Variants in TDO2 observed in about 807,000 individuals in gnomAD.
The protein encoded by TDO2 is tryptophan 2,3-dioxygenase.
A neutral mutation model predicts 61.2 loss-of-function variants in TDO2; 63 were observed. The observed-to-expected ratio is 1.03, with a 90% confidence interval of 0.84 to 1.27. The LOEUF is 1.27. Among genes scored for constraint, TDO2 ranks in the 50% most tolerant of loss-of-function variants. The probability of loss-of-function intolerance (pLI) is 0.00; values close to 1 mark genes in which losing one functional copy is unlikely to be tolerated. For missense variants in TDO2, 494 were observed against 469.5 expected, an observed-to-expected ratio of 1.05 and a Z score of -0.48; for synonymous variants, 183 against 164.0, an observed-to-expected ratio of 1.12 and a Z score of -0.89.
Position 155,917,412 on chromosome 4 carries a change from A to G in TDO2, c.914A>G (p.Gln305Arg). ...TCCTTTAGGGAAGAGCCTAGGTTCCAGGTGCCTTTTCAGTTGCTGACTTCT... is the reference window on the plus strand; with the variant it reads ...TCCTTTAGGGAAGAGCCTAGGTTCCGGGTGCCTTTTCAGTTGCTGACTTCT... ...IYFYREEPRFQVPFQLLTSLM... is the reference protein window; with the variant it reads ...IYFYREEPRFRVPFQLLTSLM... Residue 305 changes from glutamine to arginine, a missense_variant, in exon 10 of 12, where the codon CAG becomes CGG. Coordinates refer to ENST00000536354, the MANE Select transcript of TDO2 (RefSeq NM_005651.4). 6.2e-7 allele frequency: 1 copy of G among 1,610,898 alleles called. No homozygotes were observed. Among genetic ancestry groups the G allele is most frequent in the Non-Finnish European group, 8.5e-7 (1 of 1,178,852 alleles).
At chr4:155,917,503 C>T (rs1334608039) in intron 10 of TDO2, 29 bp downstream of exon 10, 3 of 1,565,034 alleles carry the variant, frequency 1.9e-6, no homozygotes, top group South Asian at 2.3e-5. Context: ...CCCCATGTTG[C>T]TTCCCCACAT....
chr4:155,912,447 T>C (rs996836905), intron 7 of TDO2, among the ~76,000 whole-genome samples: 1 of 152,158 alleles, frequency 6.6e-6, no homozygotes, highest in South Asian at 2.1e-4. Context: ...TGGCCATTTT[T>C]AATCTTAACT....
In TDO2 at chr4:155,904,079, A is replaced by T. The variant is rs1560774177; in HGVS notation, c.97A>T (p.Asn33Tyr). Residue 33 changes from asparagine to tyrosine, a missense_variant, in exon 2 of 12, where the codon AAT becomes TAT. Asn to Tyr is a moderately radical substitution (Grantham distance 143). Transcript: ENST00000536354. The stretch of plus-strand genomic sequence containing the variant: ...AGAAGACAAATCACAAACTGGTGTG[A>T]ATAGAGCCAGCAAAGGAGGTCTTAT... ...SEEDKSQTGV[N>Y]RASKGGLIYG... 6.2e-7 allele frequency: 1 copy of T among 1,614,120 alleles called. No homozygotes were observed. Among genetic ancestry groups the T allele is most frequent in the African/African-American group, 1.3e-5 (1 of 75,044 alleles).
chr4:155,919,327 T>C (rs770703307), intron 11 of TDO2, among the ~76,000 whole-genome samples: 1 of 152,220 alleles, frequency 6.6e-6, no homozygotes, highest in African/African-American at 2.4e-5. Context: ...ACAGTTAAAA[T>C]TGTTGACTAA....
intron 2 of TDO2, among the ~76,000 whole-genome samples, 157 bp from the exon 3 acceptor site, chr4:155,904,910 A>G (rs758811888): frequency 6.6e-6 from 1 of 152,176 alleles, no homozygotes; most frequent in Non-Finnish European, 1.5e-5. Flanking sequence ...TTCACTCTTT[A>G]TGATGAGATT....
At chr4:155,919,776 T>A in intron 11 of TDO2, 61 bp from the exon 12 acceptor site, 4 of 1,432,670 alleles carry the variant, frequency 2.8e-6, no homozygotes, top group Non-Finnish European at 3.8e-6. Flanking sequence ...AATTTTCTAA[T>A]TGAAAAATTT....
chr4:155,905,052 A>T lies in TDO2; in HGVS notation c.142-15A>T. On this transcript the variant is annotated splice_polypyrimidine_tract_variant and intron_variant, in intron 2 of 11. Transcript: ENST00000536354. ...TTCTGCAATTTCAGACAGGCTTTTT[A>T]TTTTTCATTTCAAGTTGGAAAAAGT... The T allele has an allele frequency of 6.4e-7, 1 of 1,563,648 alleles. No individual in the cohort carries two copies. Among genetic ancestry groups the T allele is most frequent in the African/African-American group, 1.4e-5 (1 of 72,432 alleles).
intron 6 of TDO2, 82 bp from the exon 7 acceptor site, chr4:155,911,415 G>T: frequency 3.2e-6 from 3 of 936,510 alleles, no homozygotes; most frequent in Non-Finnish European, 4.7e-6. Context: ...AAGATTTCTT[G>T]TTTTAAGTTT....
chr4:155,912,400 C>A (rs751087021), intron 7 of TDO2, among the ~76,000 whole-genome samples: 2 of 152,108 alleles, frequency 1.3e-5, no homozygotes, highest in Non-Finnish European at 2.9e-5. Context: ...CTTCCTGTAC[C>A]ATCATTCTCA....
Position 155,914,332 on chromosome 4 carries a change from G to C in TDO2, c.736G>C (p.Glu246Gln). The change falls in exon 8 of 12, where the codon GAG (glutamate) becomes CAG (glutamine). Residue 246 changes from glutamate (E) to glutamine (Q), a missense_variant. Transcript: ENST00000536354. Reference protein sequence around the residue: ...EEFIRIQAKEESEEKEEQVAE... With the variant: ...EEFIRIQAKEQSEEKEEQVAE... ...CATATTTTTCCTAAAGGCTAAAGAA[G>C]AGTCTGAAGAAAAAGAGGAACAGGT... 1 of 1,605,950 alleles carries C rather than the reference G, an allele frequency of 6.2e-7. No individual in the cohort carries two copies. Among genetic ancestry groups the C allele is most frequent in the Non-Finnish European group, 8.5e-7 (1 of 1,177,810 alleles).
chr4:155,918,276 T>C (rs375837495), intron 11 of TDO2, 37 bp downstream of exon 11: 2 of 1,597,936 alleles, frequency 1.3e-6, no homozygotes. Flanking sequence ...CTGGTGGCAG[T>C]CACCAACAAT....
chr4:155,912,844 C>T (rs1342637099), intron 7 of TDO2, among the ~76,000 whole-genome samples: 2 of 152,014 alleles, frequency 1.3e-5, no homozygotes, highest in African/African-American at 4.8e-5. Flanking sequence ...CCAATAAAAC[C>T]AAACTTGAAC....
At chr4:155,918,540 T>C (rs1348883717) in intron 11 of TDO2, among the ~76,000 whole-genome samples, 1 of 152,212 alleles carries the variant, frequency 6.6e-6, no homozygotes, top group African/African-American at 2.4e-5. Flanking sequence ...CTTCAACTCA[T>C]TGTGACTCAA....
chr4:155,914,465 C>T (rs747313801), intron 8 of TDO2, 31 bp downstream of exon 8: 3 of 1,464,072 alleles, frequency 2.0e-6, no homozygotes, highest in African/African-American at 1.5e-5. Context: ...AATCTTTTCC[C>T]TGGAATGTGT....
At position 155,919,916 on chromosome 4, in the gene TDO2, C is replaced by A. The variant is rs756884760; in HGVS notation, c.1147C>A (p.Pro383Thr). 6.2e-7 allele frequency: 1 copy of A among 1,613,492 alleles called. No individual in the cohort carries two copies. Among genetic ancestry groups the A allele is most frequent in the Non-Finnish European group, 8.5e-7 (1 of 1,179,608 alleles). ...CCGACACTGGATACCGAAGATGAAC[C>A]CAACCATTCACAAATTTCTATATAC... ...IPRHWIPKMNPTIHKFLYTAE... is the reference protein window; with the variant it reads ...IPRHWIPKMNTTIHKFLYTAE... Residue 383 changes from proline (P) to threonine (T), a missense_variant, in exon 12 of 12, where the codon CCA (proline) becomes ACA (threonine). Physicochemically the swap from Pro to Thr is conservative, Grantham distance 38. Coordinates refer to ENST00000536354, the MANE Select transcript of TDO2 (RefSeq NM_005651.4).
At chr4:155,904,742 G>T (rs1441797398) in intron 2 of TDO2, among the ~76,000 whole-genome samples, 4 of 152,034 alleles carry the variant, frequency 2.6e-5, no homozygotes, top group Non-Finnish European at 5.9e-5. Context: ...GGGAATAAAA[G>T]AATGCCAAAT....
At chr4:155,915,680 G>C (rs1014186163) in intron 8 of TDO2, among the ~76,000 whole-genome samples, 175 bp from the exon 9 acceptor site, 1 of 152,050 alleles carries the variant, frequency 6.6e-6, no homozygotes, top group South Asian at 2.1e-4. Flanking sequence ...TGTTAAAATT[G>C]TATTTTAAGT....
intron 3 of TDO2, chr4:155,906,496 G>A (rs921686623): frequency 6.6e-6 from 1 of 151,972 alleles, no homozygotes; most frequent in African/African-American, 2.4e-5. Flanking sequence ...AACCAAATAG[G>A]ATGCACTGAA....
At chr4:155,912,210 CAG>C (rs1178037087) in intron 7 of TDO2, among the ~76,000 whole-genome samples, 1 of 152,128 alleles carries the variant, frequency 6.6e-6, no homozygotes, top group Non-Finnish European at 1.5e-5. Flanking sequence ...AACTATGTGA[CAG>C]AGAACAAGTG....
Sources: allele counts gnomAD v4.1 joint callset (sites outside exome capture counted in the v4.1 genomes callset), GRCh38; gene constraint gnomAD v4.1.1; transcripts MANE v1.5; gene names NCBI Gene and HGNC (gene_info 2026-07-23, HGNC 2026-07-21).